Variants in ARB2A observed in about 807,000 individuals in gnomAD.
ARB2A encodes cotranscriptional regulator ARB2A.
At chr5:93,697,749 G>A in the ARB2A span, among the ~76,000 whole-genome samples, 1 of 152,048 alleles carries the variant, frequency 6.6e-6, no homozygotes, top group Admixed American at 6.6e-5. Context: ...CTGTTAACAT[G>A]TAAAAAATAA....
At chr5:93,797,962 G>A in the ARB2A span, among the ~76,000 whole-genome samples, 4 of 152,058 alleles carry the variant, frequency 2.6e-5, no homozygotes, top group South Asian at 2.1e-4. Context: ...TGTCTGAAGG[G>A]AGGAGAGTGA....
At chr5:93,833,787 A>G in the ARB2A span, among the ~76,000 whole-genome samples, 1 of 152,340 alleles carries the variant, frequency 6.6e-6, no homozygotes, top group Non-Finnish European at 1.5e-5. Flanking sequence ...CTTAGGGTGA[A>G]TTATCATCTG....
chr5:93,709,825 T>C, the ARB2A span, among the ~76,000 whole-genome samples: 3 of 152,066 alleles, frequency 2.0e-5, no homozygotes, highest in Non-Finnish European at 2.9e-5. Flanking sequence ...TACACACACA[T>C]ATATATGTAT....
At chr5:93,811,339 G>C in the ARB2A span, among the ~76,000 whole-genome samples, 1 of 152,070 alleles carries the variant, frequency 6.6e-6, no homozygotes, top group Non-Finnish European at 1.5e-5. Flanking sequence ...AAATGATTTG[G>C]AGACTGTCTA....
the ARB2A span, among the ~76,000 whole-genome samples, chr5:94,031,722 G>C: frequency 6.6e-6 from 1 of 152,198 alleles, no homozygotes; most frequent in Admixed American, 6.5e-5. Context: ...AAGCATTGCA[G>C]AGATCTTCTA....
At chr5:93,697,779 A>G in the ARB2A span, among the ~76,000 whole-genome samples, 1 of 152,128 alleles carries the variant, frequency 6.6e-6, no homozygotes, top group Non-Finnish European at 1.5e-5. Context: ...TTGAAATAAA[A>G]ACCTCTACTA....
the ARB2A span, among the ~76,000 whole-genome samples, chr5:94,080,002 A>G: frequency 1.3e-5 from 2 of 152,204 alleles, no homozygotes; most frequent in African/African-American, 2.4e-5. Flanking sequence ...GACAATGTTA[A>G]AACTTAAGAA....
the ARB2A span, among the ~76,000 whole-genome samples, chr5:93,874,626 G>A: frequency 6.6e-6 from 1 of 152,160 alleles, no homozygotes; most frequent in Non-Finnish European, 1.5e-5. Context: ...AGTCATTCTA[G>A]CAAGTTATTG....
At chr5:93,966,710 A>T in the ARB2A span, among the ~76,000 whole-genome samples, 17 of 152,000 alleles carry the variant, frequency 1.1e-4, no homozygotes, top group Non-Finnish European at 1.6e-4. Flanking sequence ...CAAAATACAG[A>T]TCACATGTCA....
At chr5:93,852,371 T>C in the ARB2A span, among the ~76,000 whole-genome samples, 3 of 152,166 alleles carry the variant, frequency 2.0e-5, no homozygotes, top group Admixed American at 6.6e-5. Flanking sequence ...GTCAGATGAG[T>C]AGATTGCAAA....
the ARB2A span, among the ~76,000 whole-genome samples, chr5:93,942,225 T>C: frequency 6.6e-6 from 1 of 152,194 alleles, no homozygotes; most frequent in African/African-American, 2.4e-5. Flanking sequence ...TCTCATTGTT[T>C]TCTTTGCTGG....
At chr5:93,776,213 G>A in the ARB2A span, 1 of 1,611,840 alleles carries the variant, frequency 6.2e-7, no homozygotes, top group Non-Finnish European at 8.5e-7. Flanking sequence ...GTGTCTAATG[G>A]TTCTGAGCTA....
At chr5:93,951,125 C>G in the ARB2A span, among the ~76,000 whole-genome samples, 1 of 152,052 alleles carries the variant, frequency 6.6e-6, no homozygotes, top group East Asian at 1.9e-4. Flanking sequence ...ACTTGCATGT[C>G]TCCTTTTGAG....
At chr5:93,630,277 G>A in the ARB2A span, among the ~76,000 whole-genome samples, 1 of 152,146 alleles carries the variant, frequency 6.6e-6, no homozygotes, top group Non-Finnish European at 1.5e-5. Flanking sequence ...AGTAGTGAAT[G>A]GGGCGTGATG....
At chr5:93,938,611 A>G in the ARB2A span, among the ~76,000 whole-genome samples, 1 of 152,192 alleles carries the variant, frequency 6.6e-6, no homozygotes, top group East Asian at 1.9e-4. Context: ...CCTCCACCCA[A>G]GAGATTCCAT....
the ARB2A span, among the ~76,000 whole-genome samples, chr5:93,637,232 C>T: frequency 6.6e-6 from 1 of 151,982 alleles, no homozygotes; most frequent in South Asian, 2.1e-4. Context: ...GAAGATTTAT[C>T]TAGGTTGTTC....
At chr5:93,814,462 G>T in the ARB2A span, among the ~76,000 whole-genome samples, 1 of 152,056 alleles carries the variant, frequency 6.6e-6, no homozygotes, top group African/African-American at 2.4e-5. Context: ...GGAGATAAAG[G>T]CAAAAATGTA....
chr5:93,664,368 T>C, the ARB2A span, among the ~76,000 whole-genome samples: 1 of 152,086 alleles, frequency 6.6e-6, no homozygotes, highest in Non-Finnish European at 1.5e-5. Context: ...GGCATATTAT[T>C]TTTTTAAGTA....
At chr5:93,751,904 A>G in the ARB2A span, among the ~76,000 whole-genome samples, 1 of 152,132 alleles carries the variant, frequency 6.6e-6, no homozygotes, top group African/African-American at 2.4e-5. Flanking sequence ...GTGGCTTGAG[A>G]GAGACACAAA....
Sources: allele counts gnomAD v4.1 joint callset (sites outside exome capture counted in the v4.1 genomes callset), GRCh38; gene constraint gnomAD v4.1.1; transcripts MANE v1.5; gene names NCBI Gene and HGNC (gene_info 2026-07-23, HGNC 2026-07-21).